IFT122: variants seen among roughly 807,000 people sequenced by gnomAD.
The protein encoded by IFT122 is intraflagellar transport 122.
IFT122 carries 118 observed loss-of-function variants against 161.6 expected under a neutral mutation model. The ratio of observed to expected loss-of-function variants is 0.73; its 90% confidence interval spans 0.63 to 0.85. The LOEUF is 0.85. Ranked by LOEUF, IFT122 falls within the 40% of genes least tolerant of loss-of-function variation. The pLI is 0.00. For synonymous variants in IFT122, 550 were observed against 602.4 expected, an observed-to-expected ratio of 0.91 and a Z score of 1.27; for missense variants, 1,381 against 1,579.6, an observed-to-expected ratio of 0.87 and a Z score of 2.13.
chr3:129,503,594 G>C (rs2081866922), intron 20 of IFT122, among the ~76,000 whole-genome samples: 1 of 151,866 alleles, frequency 6.6e-6, no homozygotes, highest in South Asian at 2.1e-4. Flanking sequence ...CACCCATCAT[G>C]GTCCATTTTA....
At chr3:129,450,014 T>C in intron 2 of IFT122, 77 bp downstream of exon 2, 2 of 747,408 alleles carry the variant, frequency 2.7e-6, no homozygotes, top group East Asian at 2.8e-5. Context: ...TTTGACCCTT[T>C]TTTTTTTTTT....
chr3:129,512,516 C>A, intron 24 of IFT122, 104 bp downstream of exon 24: 1 of 860,508 alleles, frequency 1.2e-6, no homozygotes, highest in Non-Finnish European at 2.0e-6. Context: ...CCTCTCTCAG[C>A]AACCCTCAGG....
chr3:129,461,085 TTTCTGTGCTTTTTG>T, intron 4 of IFT122, 129 bp from the exon 5 acceptor site: 10 of 936,046 alleles, frequency 1.1e-5, no homozygotes, highest in Non-Finnish European at 1.6e-5. Flanking sequence ...GGAGAATTAA[TTTCTGTGCTTTTTG>T]TTGGTCACTT....
chr3:129,486,390 G>A (rs2079285068), intron 15 of IFT122, among the ~76,000 whole-genome samples: 2 of 152,170 alleles, frequency 1.3e-5, no homozygotes, highest in Admixed American at 6.5e-5. Flanking sequence ...CCATCTTTCA[G>A]GTTTCGTCAA....
chr3:129,473,384 TC>T (rs2077569584), intron 9 of IFT122, among the ~76,000 whole-genome samples: 1 of 152,258 alleles, frequency 6.6e-6, no homozygotes, highest in Admixed American at 6.5e-5. Context: ...TGAATATGGT[TC>T]ACATTTTCCT....
At chr3:129,512,532 CAG>C (rs2082956962) in intron 24 of IFT122, 120 bp downstream of exon 24, 4 of 806,522 alleles carry the variant, frequency 5.0e-6, no homozygotes, top group South Asian at 1.4e-5. Context: ...TCAGGGAAGA[CAG>C]AGAACTCACC....
chr3:129,442,826 C>G (rs978833308), intron 1 of IFT122, among the ~76,000 whole-genome samples: 2 of 152,184 alleles, frequency 1.3e-5, no homozygotes, highest in Non-Finnish European at 2.9e-5. Flanking sequence ...CCTCCTGACC[C>G]TCCTCCCCAT....
chr3:129,467,378 A>G (rs535685597), intron 8 of IFT122, among the ~76,000 whole-genome samples: 1 of 152,348 alleles, frequency 6.6e-6, no homozygotes, highest in East Asian at 1.9e-4. Context: ...TCGTGTGTTC[A>G]TATAATTAAC....
At chr3:129,503,919 TCATCTTTG>T in intron 20 of IFT122, 1 of 333,418 alleles carries the variant, frequency 3.0e-6, no homozygotes, top group South Asian at 2.5e-5. Flanking sequence ...AAGCCCACAG[TCATCTTTG>T]ACAACTGATA....
rs1472680363 is a variant in IFT122, at chr3:129,464,872, C to G, written c.563+91C>G. The G allele has an allele frequency of 5.0e-6, 7 of 1,394,146 alleles. No homozygotes were observed. In the Admixed American group the frequency reaches 6.7e-5, roughly 13 times the overall value. The allele number at this position is 1,394,146 out of a possible 1,614,324, so 86.4% of individuals were successfully genotyped here. ...GAGGTCTCCCTACATTCAAAGGCTT[C>G]TCACCTCACTTGAATGGTCTGTTTT... On this transcript the variant is annotated intron_variant, in intron 7 of 29. Coordinates refer to ENST00000348417, the MANE Select transcript of IFT122 (RefSeq NM_052989.3).
chr3:129,518,496 G>A (rs1009198600), intron 27 of IFT122, among the ~76,000 whole-genome samples: 4 of 152,212 alleles, frequency 2.6e-5, no homozygotes, highest in Admixed American at 1.3e-4. Flanking sequence ...AGCTCAGAGA[G>A]CTGCTTGCTG....
rs761915189 is a variant in IFT122 at position 129,467,044 on chromosome 3, G to A, written c.718G>A (p.Asp240Asn). Residue 240 changes from aspartate to asparagine, a missense_variant, in exon 8 of 30, where the codon GAC becomes AAC. Physicochemically the swap from Asp to Asn is conservative, Grantham distance 23 (BLOSUM62 1). Around this residue, in one of 7 missense-constraint regions of IFT122, gnomAD observed 544 missense variants for 648.0 expected, o/e 0.84. Coordinates refer to ENST00000348417, the MANE Select transcript of IFT122 (RefSeq NM_052989.3). The stretch of plus-strand genomic sequence containing the variant: ...GGAGGAAGAACCAGAGGAAGAGGAC[G>A]ACAGTCCCAGGGACGACAACTTGTG... ...AEEEEPEEEDDSPRDDNLEER... is the reference protein window; with the variant it reads ...AEEEEPEEEDNSPRDDNLEER... 3 of 1,613,984 alleles carry A rather than the reference G, an allele frequency of 1.9e-6. No homozygotes were observed. Among genetic ancestry groups the A allele is most frequent in the South Asian group, 1.1e-5 (1 of 91,066 alleles).
At chr3:129,480,417 C>CTG (rs1288377684) in intron 13 of IFT122, among the ~76,000 whole-genome samples, 1 of 152,168 alleles carries the variant, frequency 6.6e-6, no homozygotes. Flanking sequence ...ACACAAAATT[C>CTG]TGTGTGTGTG....
rs1400499117 is a variant in IFT122 at position 129,517,479 on chromosome 3, C to T, written c.3276C>T (p.His1092=). 6.2e-6 allele frequency: 10 copies of T among 1,613,802 alleles called. No individual in the cohort carries two copies. The highest frequency in any genetic ancestry group is 8.5e-6 in the Non-Finnish European group (10 of 1,179,802). ...IFSASSYDVL[H]LVEFYLEEGI... The stretch of plus-strand genomic sequence containing the variant: ...CTCTATGCCCTCCAGACGTGCTACA[C>T]CTGGTTGAGTTCTACCTGGAGGAAG... Residue 1092 remains histidine (H), a synonymous_variant, in exon 27 of 30, where the codon CAC becomes CAT. Coordinates refer to ENST00000348417, the MANE Select transcript of IFT122 (RefSeq NM_052989.3).
intron 15 of IFT122, among the ~76,000 whole-genome samples, chr3:129,484,791 A>G (rs2079086215): frequency 6.6e-6 from 1 of 152,230 alleles, no homozygotes; most frequent in Non-Finnish European, 1.5e-5. Context: ...GCATGGCAAA[A>G]TTTAGGGTAA....
intron 23 of IFT122, among the ~76,000 whole-genome samples, chr3:129,510,097 G>C (rs1281076749): frequency 2.0e-5 from 3 of 152,174 alleles, no homozygotes; most frequent in Non-Finnish European, 2.9e-5. Flanking sequence ...TGAGGTCTCT[G>C]TCGCCCAAGG....
intron 25 of IFT122, 76 bp downstream of exon 25, chr3:129,514,630 G>A: frequency 1.3e-6 from 2 of 1,554,072 alleles, no homozygotes; most frequent in Non-Finnish European, 1.8e-6. Flanking sequence ...GCCTGGCCTG[G>A]GTTCCGTTTG....
intron 29 of IFT122, 75 bp downstream of exon 29, chr3:129,519,807 G>A (rs2084521087): frequency 6.4e-6 from 10 of 1,569,810 alleles, no homozygotes; most frequent in Admixed American, 3.3e-5. Context: ...CCTCTGGGAG[G>A]CGTGGCCCCT....
At position 129,461,219 on chromosome 3, in the gene IFT122, A is replaced by G. The variant is rs2076181643; in HGVS notation, c.273-9A>G. 6.2e-7 allele frequency: 1 copy of G among 1,606,742 alleles called. No individual in the cohort carries two copies. The highest frequency in any genetic ancestry group is 8.5e-7 in the Non-Finnish European group (1 of 1,173,334). Reference sequence around the variant, plus strand: ...GCTGCATAGTAATCTACAGTTGTTTACTTCCCAGGCACAATGATGCTATAC... The same window carrying G: ...GCTGCATAGTAATCTACAGTTGTTTGCTTCCCAGGCACAATGATGCTATAC... On this transcript the variant is annotated splice_polypyrimidine_tract_variant and intron_variant, in intron 4 of 29. Transcript: ENST00000348417.
Sources: gnomAD v4.1 joint callset for allele counts (sites outside exome capture counted in the v4.1 genomes callset) on GRCh38, gnomAD v4.1.1 for gene constraint, gnomAD v4.1.1 regional missense constraint, MANE v1.5 for transcripts, NCBI Gene and HGNC (gene_info 2026-07-23, HGNC 2026-07-21) for gene names.